The following SH3PXD2A variants were observed in gnomAD, a reference collection of about 807,000 sequenced individuals.
SH3PXD2A encodes SH3 and PX domains 2A, also known as SH3 and PX domain-containing protein 2A.
A neutral mutation model predicts 115.2 loss-of-function variants in SH3PXD2A; 32 were observed. The ratio of observed to expected loss-of-function variants is 0.28; its 90% CI spans 0.21 to 0.37. The LOEUF (loss-of-function observed/expected upper bound fraction) is 0.37, where lower values mean the gene tolerates loss of function less well. Ranked by LOEUF, SH3PXD2A falls within the 10% of genes least tolerant of loss-of-function variation. SH3PXD2A has a pLI of 1.00. For synonymous variants in SH3PXD2A, 610 were observed against 629.1 expected, an observed-to-expected ratio of 0.97 and a Z score of 0.45; for missense variants, 1,328 against 1,498.7, an observed-to-expected ratio of 0.89 and a Z score of 1.88.
At chr10:103,769,882 C>G (rs1216267137) in intron 2 of SH3PXD2A, among the ~76,000 whole-genome samples, 1 of 152,132 alleles carries the variant, frequency 6.6e-6, no homozygotes, top group Non-Finnish European at 1.5e-5. Context: ...AAAATTAATA[C>G]ATTTTCAAAT....
intron 2 of SH3PXD2A, among the ~76,000 whole-genome samples, chr10:103,774,321 C>T (rs1252670352): frequency 6.6e-6 from 1 of 152,180 alleles, no homozygotes; most frequent in Non-Finnish European, 1.5e-5. Flanking sequence ...GATCCTTCTG[C>T]CATTTCCATA....
intron 3 of SH3PXD2A, among the ~76,000 whole-genome samples, chr10:103,747,412 T>C (rs908258449): frequency 8.5e-5 from 13 of 152,142 alleles, no homozygotes; most frequent in Non-Finnish European, 1.9e-4. Flanking sequence ...CCATTCAGCC[T>C]GTGCAGCCTC....
chr10:103,715,833 G>A (rs929509047), intron 5 of SH3PXD2A, among the ~76,000 whole-genome samples: 14 of 152,206 alleles, frequency 9.2e-5, no homozygotes, highest in Middle Eastern at 3.2e-3. Flanking sequence ...TATTCCAGCT[G>A]CACTGCCACA....
chr10:103,802,454 A>G (rs1363067069), intron 1 of SH3PXD2A, among the ~76,000 whole-genome samples: 1 of 152,236 alleles, frequency 6.6e-6, no homozygotes, highest in African/African-American at 2.4e-5. Flanking sequence ...AGTCTCCATC[A>G]GGCTCTGCCA....
At chr10:103,769,984 T>C (rs989373020) in intron 2 of SH3PXD2A, among the ~76,000 whole-genome samples, 6 of 152,246 alleles carry the variant, frequency 3.9e-5, no homozygotes, top group Non-Finnish European at 7.3e-5. Flanking sequence ...TATATTACAC[T>C]ACGACATAAG....
chr10:103,715,618 G>A (rs1057090106), intron 5 of SH3PXD2A, among the ~76,000 whole-genome samples: 3 of 152,204 alleles, frequency 2.0e-5, no homozygotes, highest in African/African-American at 4.8e-5. Context: ...CAGTGACTCC[G>A]GGTGACTTAC....
intron 1 of SH3PXD2A, among the ~76,000 whole-genome samples, chr10:103,836,211 C>T (rs2039538270): frequency 6.6e-6 from 1 of 152,122 alleles, no homozygotes; most frequent in Admixed American, 6.6e-5. Flanking sequence ...CCCTTTTATA[C>T]TAAAATCTAA....
intron 6 of SH3PXD2A, among the ~76,000 whole-genome samples, chr10:103,670,385 T>G (rs960604334): frequency 6.6e-6 from 1 of 152,188 alleles, no homozygotes; most frequent in Non-Finnish European, 1.5e-5. Flanking sequence ...TTAGATAATA[T>G]GTAATAGTGC....
chr10:103,779,194 G>A (rs993794068), intron 2 of SH3PXD2A, among the ~76,000 whole-genome samples: 49 of 152,134 alleles, frequency 3.2e-4, no homozygotes, highest in African/African-American at 1.0e-3. Context: ...TCAGCCTCCC[G>A]AGTGGCTGGG....
At chr10:103,788,945 A>C (rs1394546447) in intron 2 of SH3PXD2A, among the ~76,000 whole-genome samples, 4 of 152,220 alleles carry the variant, frequency 2.6e-5, no homozygotes, top group Non-Finnish European at 5.9e-5. Context: ...TGAAATCATC[A>C]GGAAGCTGAG....
chr10:103,825,667 A>G (rs1235731540), intron 1 of SH3PXD2A, among the ~76,000 whole-genome samples: 2 of 151,982 alleles, frequency 1.3e-5, no homozygotes, highest in Admixed American at 6.6e-5. Flanking sequence ...ATGCCCCTAG[A>G]GACTCTCCTT....
intron 1 of SH3PXD2A, among the ~76,000 whole-genome samples, chr10:103,837,435 C>T (rs2039556255): frequency 6.6e-6 from 1 of 152,200 alleles, no homozygotes; most frequent in African/African-American, 2.4e-5. Context: ...CTCCCATTCC[C>T]CACCACTTGA....
At chr10:103,668,092 G>A (rs2037408107) in intron 7 of SH3PXD2A, among the ~76,000 whole-genome samples, 1 of 152,236 alleles carries the variant, frequency 6.6e-6, no homozygotes, top group South Asian at 2.1e-4. Context: ...GCTCCCCAGT[G>A]AGATCACTGG....
chr10:103,825,812 G>A (rs1245028220), intron 1 of SH3PXD2A, among the ~76,000 whole-genome samples: 3 of 145,130 alleles, frequency 2.1e-5, no homozygotes, highest in African/African-American at 5.2e-5. Flanking sequence ...CACCCAGGCT[G>A]GGGTGCAGTG....
chr10:103,662,606 A>G (rs2037329825), intron 7 of SH3PXD2A, among the ~76,000 whole-genome samples: 1 of 149,774 alleles, frequency 6.7e-6, no homozygotes, highest in Non-Finnish European at 1.5e-5. Context: ...TCACCTTGTT[A>G]GCCAGGATGG....
chr10:103,797,985 A>AGTTTTC (rs1013647985), intron 2 of SH3PXD2A, among the ~76,000 whole-genome samples: 22 of 152,076 alleles, frequency 1.4e-4, no homozygotes, highest in African/African-American at 5.3e-4. Context: ...TCATGACCAG[A>AGTTTTC]GAGGGTCAGC....
At chr10:103,718,016 T>TC (rs2038127703) in intron 5 of SH3PXD2A, among the ~76,000 whole-genome samples, 1 of 150,654 alleles carries the variant, frequency 6.6e-6, no homozygotes, top group African/African-American at 2.4e-5. Flanking sequence ...GTCTTTTTTT[T>TC]TTTTTTAAGA....
At chr10:103,786,321 G>A (rs954802570) in intron 2 of SH3PXD2A, among the ~76,000 whole-genome samples, 1 of 152,166 alleles carries the variant, frequency 6.6e-6, no homozygotes, top group African/African-American at 2.4e-5. Flanking sequence ...TACCTGTGGT[G>A]AGACCTTGAC....
At chr10:103,757,207 C>A (rs1181214485) in intron 3 of SH3PXD2A, among the ~76,000 whole-genome samples, 1 of 152,150 alleles carries the variant, frequency 6.6e-6, no homozygotes, top group Admixed American at 6.5e-5. Context: ...AGGAGTGTCA[C>A]CGAGCCCTGA....
Sources: allele counts gnomAD v4.1 joint callset (sites outside exome capture counted in the v4.1 genomes callset), GRCh38; gene constraint gnomAD v4.1.1; transcripts MANE v1.5; gene names NCBI Gene and HGNC (gene_info 2026-07-23, HGNC 2026-07-21).